The following BAZ2A variants were observed in gnomAD, a reference collection of about 807,000 sequenced individuals.
The protein encoded by BAZ2A is bromodomain adjacent to zinc finger domain 2A.
In BAZ2A, 34 loss-of-function variants were observed where a neutral mutation model predicts 199.9. The observed-to-expected ratio is 0.17, with a 90% CI of 0.13 to 0.23. The LOEUF is 0.23. Among genes scored for constraint, BAZ2A ranks in the 10% least tolerant of loss-of-function variants. The probability of loss-of-function intolerance (pLI) is 1.00; values close to 1 mark genes in which losing one functional copy is unlikely to be tolerated. For synonymous variants in BAZ2A, 857 were observed against 883.9 expected (o/e 0.97, Z 0.54); for missense variants, 2,002 against 2,391.1 (o/e 0.84, Z 3.39).
Position 56,630,298 on chromosome 12 carries a change from G to A in BAZ2A, c.-176C>T, listed in dbSNP as rs915530280. On this transcript the variant is annotated 5_prime_UTR_variant, in exon 1 of 29. Coordinates refer to ENST00000549884, the MANE Select transcript of BAZ2A (RefSeq NM_001300905.2). ...CGCGGCTCAACCGCGGGGCCCGAGA[G>A]GAGCCAACATGGCCGGCGGGGGAGG... 2.0e-6 allele frequency: 2 copies of A among 984,934 alleles called. No individual in the cohort carries two copies. Among genetic ancestry groups the A allele is most frequent in the Non-Finnish European group, 2.4e-6 (2 of 829,430 alleles). 61.0% of individuals were successfully genotyped at this position (984,934 alleles called of 1,614,324 possible).
At chr12:56,630,817 C>T (rs1318291046), upstream of BAZ2A, 4 of 985,524 alleles carry the variant, frequency 4.1e-6, no homozygotes, top group Middle Eastern at 5.2e-4. Flanking sequence ...TGGATCACCA[C>T]TTTCCTGGCG....
intron 13 of BAZ2A, chr12:56,605,601 T>A: frequency 1.6e-6 from 1 of 619,154 alleles, no homozygotes; most frequent in Non-Finnish European, 2.7e-6. Flanking sequence ...TTCGTATTTT[T>A]TGTAGAGATG....
In BAZ2A at chr12:56,602,327, C is replaced by T. The variant is rs76890121; in HGVS notation, c.3425-135G>A. On this transcript the variant is annotated intron_variant, in intron 19 of 28. Coordinates refer to ENST00000549884, the MANE Select transcript of BAZ2A (RefSeq NM_001300905.2). ...TTTTTTGAGATTCCACTGGGAAGAG[C>T]TTATATGCCAATGAACACAGTATCT... The T allele has an allele frequency of 2.9e-4, 228 of 775,144 alleles. 1 individual carries two copies. The African/African-American group carries it at 3.7e-3, about 13-fold the overall frequency. 48.0% of individuals were successfully genotyped at this position (775,144 alleles called of 1,614,324 possible). A position where few individuals can be genotyped will look rare whatever the true frequency, so the allele number is the denominator to read the frequency against.
chr12:56,638,221 AAGAATATATCT>A (rs149735193), upstream of BAZ2A: 22,885 of 1,002,992 alleles, frequency 0.023, 445 homozygotes, highest in African/African-American at 0.07. Context: ...ACTGTTCAGA[AAGAATATATCT>A]TCAATCAAGG....
Position 56,605,158 on chromosome 12 carries a change from C to T in BAZ2A, c.2663G>A (p.Gly888Asp), listed in dbSNP as rs367588516. The change falls in exon 14 of 29, where the codon GGT (glycine) becomes GAT (aspartate). Residue 888 changes from glycine (G) to aspartate (D), a missense_variant. Gly to Asp is a moderately conservative substitution (Grantham distance 94). Transcript: ENST00000549884. Reference protein sequence around the residue: ...GVLQEGLLCQGDSLGEVQDLL... With the variant: ...GVLQEGLLCQDDSLGEVQDLL... ...GTCTTGCACCTCACCCAAGCTGTCACCTTGACACAGGAGTCCCTCCTGCAG... is the reference window on the plus strand; with the variant it reads ...GTCTTGCACCTCACCCAAGCTGTCATCTTGACACAGGAGTCCCTCCTGCAG... The T allele has an allele frequency of 4.6e-5, 74 of 1,613,744 alleles. No individual in the cohort carries two copies. Among genetic ancestry groups the T allele is most frequent in the Non-Finnish European group, 6.0e-5 (71 of 1,179,860 alleles).
intron 20 of BAZ2A, 47 bp from the exon 21 acceptor site, chr12:56,601,449 A>G (rs1051910335): frequency 1.9e-6 from 3 of 1,594,250 alleles, no homozygotes; most frequent in African/African-American, 2.7e-5. Flanking sequence ...TTTCATGTTT[A>G]TAGGTTCCCT....
At chr12:56,627,567 G>A (rs1339476128) in intron 1 of BAZ2A, among the ~76,000 whole-genome samples, 1 of 152,010 alleles carries the variant, frequency 6.6e-6, no homozygotes, top group East Asian at 1.9e-4. Context: ...GCTCATGCCT[G>A]TAATCTCAGT....
chr12:56,602,922 C>T (rs1950224834), intron 18 of BAZ2A, 65 bp from the exon 19 acceptor site: 1 of 1,505,726 alleles, frequency 6.6e-7, no homozygotes, highest in African/African-American at 1.4e-5. Flanking sequence ...TGAATTCATC[C>T]AGTATATCAG....
Position 56,600,936 on chromosome 12 carries a change from T to C in BAZ2A, c.4450+7A>G, listed in dbSNP as rs778375241. ...TCAGCTCAAGCTGGGTGTAGGAATG[T>C]ATTTACCAGCTGAGGGCCGCAGGCA... is the stretch of plus-strand genomic sequence containing the variant. On this transcript the variant is annotated splice_region_variant and intron_variant, in intron 22 of 28. Transcript: ENST00000549884. The C allele has an allele frequency of 5.6e-6, 9 of 1,613,658 alleles. No homozygotes were observed. Among genetic ancestry groups the C allele is most frequent in the Non-Finnish European group, 7.6e-6 (9 of 1,179,694 alleles).
Position 56,601,294 on chromosome 12 carries a change from G to C in BAZ2A, c.4180C>G (p.Gln1394Glu). Residue 1394 changes from glutamine to glutamate, a missense_variant, in exon 21 of 29, where the codon CAG (glutamine) becomes GAG (glutamate). Coordinates refer to ENST00000549884, the MANE Select transcript of BAZ2A (RefSeq NM_001300905.2). ...GGCTGTCCCAGCCCTGTGGGACTCT[G>C]TGGCATTTCTCCAGGGTCTCCTGCT... ...RRAGDPGEMP[Q>E]SPTGLGQPKR... 2 of 1,614,070 alleles carry C rather than the reference G, an allele frequency of 1.2e-6. No homozygotes were observed. Among genetic ancestry groups the C allele is most frequent in the Non-Finnish European group, 1.7e-6 (2 of 1,179,908 alleles).
chr12:56,612,293 C>A lies in BAZ2A; in HGVS notation c.1136-47G>T, dbSNP rs575670726. 14 of 1,445,330 alleles carry A rather than the reference C, an allele frequency of 9.7e-6. No individual in the cohort carries two copies. The South Asian group carries it at 1.7e-4, about 18-fold the overall frequency. 89.5% of individuals were successfully genotyped at this position (1,445,330 alleles called of 1,614,324 possible). ...TAGGCTTTAAAAAAAAAAAAGGCAT[C>A]ACATAAAACAAGAGAATCTACTCAG... On this transcript the variant is annotated intron_variant, in intron 5 of 28. Coordinates refer to ENST00000549884, the MANE Select transcript of BAZ2A (RefSeq NM_001300905.2).
chr12:56,628,177 C>CAAAAAA (rs57372528), intron 1 of BAZ2A, among the ~76,000 whole-genome samples: 39 of 28,218 alleles, frequency 1.4e-3, no homozygotes, highest in Non-Finnish European at 2.0e-3. Flanking sequence ...AACTCCGTCT[C>CAAAAAA]AAAAAAAAAA....
intron 1 of BAZ2A, chr12:56,621,191 C>T (rs975413512): frequency 3.0e-6 from 3 of 985,268 alleles, no homozygotes; most frequent in Admixed American, 1.2e-4. Flanking sequence ...TGATGGGTCA[C>T]GGTTCATTTT....
intron 1 of BAZ2A, among the ~76,000 whole-genome samples, chr12:56,619,974 T>C (rs1018495710): frequency 1.3e-5 from 2 of 152,112 alleles, no homozygotes; most frequent in Non-Finnish European, 2.9e-5. Flanking sequence ...CAAGACCCCA[T>C]CTCTAAAAAC....
intron 13 of BAZ2A, 94 bp from the exon 14 acceptor site, chr12:56,605,421 T>A: frequency 7.7e-7 from 1 of 1,303,308 alleles, no homozygotes; most frequent in Non-Finnish European, 1.0e-6. Flanking sequence ...AATTTTTATG[T>A]AATTTTTTTT....
Position 56,599,783 on chromosome 12 carries a change from A to C in BAZ2A, c.5091T>G (p.Arg1697=). ...EFLLLCDGCD[R]GCHIYCHRPK... ...GACGATGGCAGTAAATGTGGCAGCC[A>C]CGGTCACACCCATCACAAAGCAGAA... Residue 1697 remains arginine (R), a synonymous_variant, in exon 26 of 29, where the codon CGT becomes CGG. Coordinates refer to ENST00000549884, the MANE Select transcript of BAZ2A (RefSeq NM_001300905.2). 6.2e-7 allele frequency: 1 copy of C among 1,614,006 alleles called. No homozygotes were observed. Among genetic ancestry groups the C allele is most frequent in the Non-Finnish European group, 8.5e-7 (1 of 1,179,878 alleles).
chr12:56,604,750 T>A lies in BAZ2A; in HGVS notation c.2798A>T (p.Asp933Val), dbSNP rs756134993. 6.2e-7 allele frequency: 1 copy of A among 1,613,856 alleles called. No individual in the cohort carries two copies. The highest frequency in any genetic ancestry group is 8.5e-7 in the Non-Finnish European group (1 of 1,179,870). ...EKVSEIPLTR[D>V]NVSEILRCFL... ...GCAGCGCAGGATCTCTGACACATTG[T>A]CTCTTGTCAGTGGGATCTCAGACAC... Residue 933 changes from aspartate (D) to valine (V), a missense_variant, in exon 15 of 29, where the codon GAC becomes GTC. Physicochemically the swap from Asp to Val is radical, Grantham distance 152 (BLOSUM62 -3). This residue lies in a region of BAZ2A where 1,081 missense variants were observed against 1,274.7 expected (regional missense o/e 0.85). Coordinates refer to ENST00000549884, the MANE Select transcript of BAZ2A (RefSeq NM_001300905.2).
rs138009404 is a variant in BAZ2A at position 56,615,273 on chromosome 12, C to T, written c.471G>A (p.Gly157=). ...ACAGTTCTTGTGAATCAAAGTTAAGCCCCATGGGACTCTGGGTACCGTTGG... is the reference window on the plus strand; with the variant it reads ...ACAGTTCTTGTGAATCAAAGTTAAGTCCCATGGGACTCTGGGTACCGTTGG... ...FWANGTQSPM[G]LNFDSQELYD... The change falls in exon 3 of 29, where the codon GGG becomes GGA. Residue 157 remains glycine, a synonymous_variant. Transcript: ENST00000549884. The T allele has an allele frequency of 6.8e-6, 11 of 1,613,904 alleles. No homozygotes were observed. The Admixed American group carries it at 1.7e-4, about 24-fold the overall frequency.
chr12:56,631,102 G>A (rs780176518), upstream of BAZ2A, among the ~76,000 whole-genome samples: 19 of 152,128 alleles, frequency 1.2e-4, no homozygotes, highest in Non-Finnish European at 2.8e-4. Flanking sequence ...CACCTAAAAT[G>A]TCCACTGCAG....
Sources: gnomAD v4.1 joint callset for allele counts (sites outside exome capture counted in the v4.1 genomes callset) on GRCh38, gnomAD v4.1.1 for gene constraint, gnomAD v4.1.1 regional missense constraint, MANE v1.5 for transcripts, NCBI Gene and HGNC (gene_info 2026-07-23, HGNC 2026-07-21) for gene names.